The following USP24 variants were observed in gnomAD, a reference collection of about 807,000 sequenced individuals.
USP24 encodes the protein ubiquitin specific peptidase 24.
USP24 carries 97 observed loss-of-function variants against 361.6 expected under a neutral mutation model. The ratio of observed to expected loss-of-function variants is 0.27; its 90% CI spans 0.23 to 0.32. The LOEUF (loss-of-function observed/expected upper bound fraction) is 0.32. Ranked by LOEUF, USP24 falls within the 10% of genes least tolerant of loss-of-function variation. USP24 has a pLI of 1.00. For synonymous variants in USP24, 1,098 were observed against 1,124.6 expected, an observed-to-expected ratio of 0.98 and a Z score of 0.47; for missense variants, 2,353 against 3,165.6, an observed-to-expected ratio of 0.74 and a Z score of 6.16.
chr1:55,164,791 G>T (rs1648659172), intron 7 of USP24, among the ~76,000 whole-genome samples: 2 of 151,912 alleles, frequency 1.3e-5, no homozygotes, highest in Admixed American at 1.3e-4. Flanking sequence ...AGAAATTTGG[G>T]AGTGCTCTGT....
rs1292596724 is a variant in USP24, at chr1:55,107,330, C to G, written c.4671G>C (p.Glu1557Asp). The change falls in exon 40 of 68, where the codon GAG becomes GAC. Residue 1557 changes from glutamate (E) to aspartate (D), a missense_variant. This residue lies in a region of USP24 where 949 missense variants were observed against 1,280.5 expected (regional missense o/e 0.74). Transcript: ENST00000294383. ...NFEPNRTAEC[E>D]TSEADNILLA... ...GTAAGATGTTGTCCGCTTCACTGGT[C>G]TCACATTCAGCTGTACGATTAGGTT... The G allele has an allele frequency of 1.2e-6, 2 of 1,613,832 alleles. No homozygotes were observed. The highest frequency in any genetic ancestry group is 1.7e-6 in the Non-Finnish European group (2 of 1,179,886).
chr1:55,138,782 A>G (rs1429450791), intron 25 of USP24, 64 bp from the exon 26 acceptor site: 15 of 1,335,750 alleles, frequency 1.1e-5, no homozygotes, highest in Non-Finnish European at 1.6e-5. Flanking sequence ...AAAAATACAT[A>G]TCTATGTATA....
chr1:55,148,648 AGTCAATCAGGTTTAC>A lies in USP24; in HGVS notation c.1861-93_1861-79del, dbSNP rs1647107043. On this transcript the variant is annotated intron_variant, in intron 16 of 67. Transcript: ENST00000294383. The stretch of plus-strand genomic sequence containing the variant: ...CATTTATTAGCTATAAAAAATTTCA[AGTCAATCAGGTTTAC>A]TGTTACACATTTTATTATTTTACTC... 1.9e-5 allele frequency: 21 copies of A among 1,098,754 alleles called. No homozygotes were observed. In the South Asian group the frequency reaches 2.8e-4, roughly 15 times the overall value. 68.1% of individuals were successfully genotyped at this position (1,098,754 alleles called of 1,614,324 possible). A position where few individuals can be genotyped will look rare whatever the true frequency, so the allele number is the denominator to read the frequency against.
intron 38 of USP24, among the ~76,000 whole-genome samples, chr1:55,114,530 TACCAAAA>T: frequency 6.6e-6 from 1 of 152,236 alleles, no homozygotes; most frequent in Admixed American, 6.5e-5. Context: ...CATGGTACTG[TACCAAAA>T]CAGATATACA....
At chr1:55,206,351 T>A (rs761847254) in intron 1 of USP24, among the ~76,000 whole-genome samples, 2 of 152,086 alleles carry the variant, frequency 1.3e-5, no homozygotes, top group African/African-American at 2.4e-5. Context: ...AAGACAAGTG[T>A]TCCGTACAGA....
chr1:55,172,599 A>G (rs1649564523), intron 3 of USP24, 79 bp from the exon 4 acceptor site: 1 of 1,420,708 alleles, frequency 7.0e-7, no homozygotes, highest in South Asian at 1.6e-5. Context: ...TCCATCTCAA[A>G]TAAGTGAGAG....
intron 1 of USP24, among the ~76,000 whole-genome samples, chr1:55,199,271 A>G (rs548026557): frequency 2.0e-5 from 3 of 152,316 alleles, no homozygotes; most frequent in Non-Finnish European, 4.4e-5. Context: ...CTTGGGCGAC[A>G]GAGCGAGACT....
intron 50 of USP24, among the ~76,000 whole-genome samples, chr1:55,095,863 C>CA (rs1376023411): frequency 6.6e-6 from 1 of 152,174 alleles, no homozygotes; most frequent in Non-Finnish European, 1.5e-5. Flanking sequence ...ACTATAATGG[C>CA]ATGGTATCAA....
intron 49 of USP24, 45 bp downstream of exon 49, chr1:55,096,906 AG>A (rs1327767283): frequency 6.3e-7 from 1 of 1,581,056 alleles, no homozygotes; most frequent in East Asian, 2.3e-5. Context: ...AACGGAGAGC[AG>A]GGGAGGGCAG....
At position 55,078,533 on chromosome 1, in the gene USP24, C is replaced by G; in HGVS notation, c.7314+5G>C. 1.2e-6 allele frequency: 2 copies of G among 1,606,456 alleles called. No individual in the cohort carries two copies. Among genetic ancestry groups the G allele is most frequent in the Non-Finnish European group, 1.7e-6 (2 of 1,176,634 alleles). ...TGGCTATCACTCGTTTAACTGAGGTCTTACCTTAATGAAATGCAGCATTGT... is the reference window on the plus strand; with the variant it reads ...TGGCTATCACTCGTTTAACTGAGGTGTTACCTTAATGAAATGCAGCATTGT... On this transcript the variant is annotated splice_donor_5th_base_variant and intron_variant, in intron 61 of 67. Coordinates refer to ENST00000294383, the MANE Select transcript of USP24 (RefSeq NM_015306.3).
chr1:55,152,548 TACTATTGAAGGTTCTA>T (rs1421789323), intron 16 of USP24, among the ~76,000 whole-genome samples: 2 of 152,326 alleles, frequency 1.3e-5, no homozygotes, highest in African/African-American at 4.8e-5. Context: ...CTTTTCCTCT[TACTATTGAAGGTTCTA>T]AACATCTTCA....
At chr1:55,167,325 G>T (rs772991914) in intron 5 of USP24, among the ~76,000 whole-genome samples, 3 of 151,990 alleles carry the variant, frequency 2.0e-5, no homozygotes, top group Non-Finnish European at 2.9e-5. Flanking sequence ...TTAAAGAACA[G>T]TCCAGGCAGA....
chr1:55,142,332 C>T (rs1165226), intron 23 of USP24, among the ~76,000 whole-genome samples: 78,504 of 151,816 alleles, frequency 0.52, 22,928 homozygotes, highest in East Asian at 0.78. Context: ...CTTGCTGTGG[C>T]CTTTAATAAC....
Position 55,144,151 on chromosome 1 carries a change from T to G in USP24, c.2415A>C (p.Arg805=). The G allele has an allele frequency of 3.7e-6, 6 of 1,608,558 alleles. No homozygotes were observed. The highest frequency in any genetic ancestry group is 5.1e-6 in the Non-Finnish European group (6 of 1,177,862). Residue 805 remains arginine (R), a synonymous_variant, in exon 21 of 68, where the codon CGA becomes CGC. Coordinates refer to ENST00000294383, the MANE Select transcript of USP24 (RefSeq NM_015306.3). ...CCAACTGAGCTCCTTGTCTTTTCAATCGATGATCACAAAGATTCACATTTT... is the reference window on the plus strand; with the variant it reads ...CCAACTGAGCTCCTTGTCTTTTCAAGCGATGATCACAAAGATTCACATTTT... ...FFENVNLCDH[R]LKRQGAQLYV... is the part of the protein sequence containing the mutation.
intron 20 of USP24, among the ~76,000 whole-genome samples, chr1:55,145,207 A>G (rs775752731): frequency 2.6e-5 from 4 of 152,200 alleles, no homozygotes; most frequent in Non-Finnish European, 5.9e-5. Context: ...CTTGTACATG[A>G]ATGTTTACAG....
chr1:55,183,027 GTC>G (rs773867900), intron 1 of USP24, among the ~76,000 whole-genome samples: 8 of 152,108 alleles, frequency 5.3e-5, no homozygotes, highest in Non-Finnish European at 8.8e-5. Context: ...CCAAAAAACA[GTC>G]TAAAAATGGT....
intron 16 of USP24, among the ~76,000 whole-genome samples, chr1:55,150,443 T>C (rs942738621): frequency 1.3e-5 from 2 of 152,194 alleles, no homozygotes; most frequent in African/African-American, 2.4e-5. Flanking sequence ...GTCAACTACT[T>C]GTGAGACTAG....
At chr1:55,152,603 G>A (rs1311876472) in intron 16 of USP24, among the ~76,000 whole-genome samples, 1 of 152,188 alleles carries the variant, frequency 6.6e-6, no homozygotes, top group African/African-American at 2.4e-5. Context: ...ATCATAAGGA[G>A]AGGTTGCTAA....
At position 55,142,842 on chromosome 1, in the gene USP24, T is replaced by C. The variant is rs368908265; in HGVS notation, c.2581-47A>G. The C allele has an allele frequency of 2.2e-3, 3,218 of 1,449,696 alleles. 7 individuals are homozygous for C. Among genetic ancestry groups the C allele is most frequent in the Non-Finnish European group, 2.7e-3 (2,926 of 1,073,016 alleles). The allele number at this position is 1,449,696 out of a possible 1,614,324, so 89.8% of individuals were successfully genotyped here. ...ACAATTAGTCCTTGACATTTAGTTG[T>C]AATCATTATTCAGGACAAAATATCA... On this transcript the variant is annotated intron_variant, in intron 22 of 67. Coordinates refer to ENST00000294383, the MANE Select transcript of USP24 (RefSeq NM_015306.3).
Sources: gnomAD v4.1 joint callset for allele counts (sites outside exome capture counted in the v4.1 genomes callset) on GRCh38, gnomAD v4.1.1 for gene constraint, gnomAD v4.1.1 regional missense constraint, MANE v1.5 for transcripts, NCBI Gene and HGNC (gene_info 2026-07-23, HGNC 2026-07-21) for gene names.